Variants in AACS observed in about 807,000 individuals in gnomAD.
AACS encodes acetoacetyl-CoA synthetase.
A neutral mutation model predicts 83.1 loss-of-function variants in AACS; 69 were observed. That is an observed-to-expected ratio of 0.83 (90% CI 0.68 to 1.01). The LOEUF is 1.01. Ranked by LOEUF, AACS falls within the 50% of genes least tolerant of loss-of-function variation. AACS has a pLI of 0.00. For missense variants in AACS, 866 were observed against 882.2 expected, an observed-to-expected ratio of 0.98 and a Z score of 0.23; for synonymous variants, 333 against 343.4, an observed-to-expected ratio of 0.97 and a Z score of 0.33.
At position 125,134,819 on chromosome 12, in the gene AACS, G is replaced by T; in HGVS notation, c.1645G>T (p.Val549Leu). Residue 549 changes from valine to leucine, a missense_variant, in exon 16 of 18, where the codon GTG becomes TTG. By Grantham distance (32) the Val-to-Leu change is conservative. Transcript: ENST00000316519. ...RSDGTLNPNG[V>L]RFGSSEIYNI... Reference sequence around the variant, plus strand: ...TGACGGCACCCTCAACCCCAACGGGGTGCGGTTCGGCAGCTCGGAAATCTA... The same window carrying T: ...TGACGGCACCCTCAACCCCAACGGGTTGCGGTTCGGCAGCTCGGAAATCTA... 2 of 1,614,176 alleles carry T rather than the reference G, an allele frequency of 1.2e-6. No homozygotes were observed. The highest frequency in any genetic ancestry group is 1.7e-6 in the Non-Finnish European group (2 of 1,180,028).
intron 15 of AACS, 21 bp downstream of exon 15, chr12:125,134,093 T>G (rs1335224518): frequency 6.2e-7 from 1 of 1,611,386 alleles, no homozygotes; most frequent in Non-Finnish European, 8.5e-7. Context: ...CAGAGTCGGC[T>G]TCTCTTTCCT....
intron 5 of AACS, among the ~76,000 whole-genome samples, chr12:125,095,819 A>G (rs1194546817): frequency 6.6e-6 from 1 of 152,086 alleles, no homozygotes; most frequent in Non-Finnish European, 1.5e-5. Flanking sequence ...GTGTTTTCTG[A>G]GTGGAGCCAG....
chr12:125,125,084 A>C (rs1426044246), intron 12 of AACS, 60 bp downstream of exon 12: 1 of 1,605,434 alleles, frequency 6.2e-7, no homozygotes, highest in South Asian at 1.1e-5. Context: ...AAGTATGCAC[A>C]CCTCTGCCCA....
Position 125,073,981 on chromosome 12 carries a change from T to G in AACS, c.237+2T>G. Reference sequence around the variant, plus strand: ...GTCTTCTCACGTGTGTATGATGAGGTAAGTAGAGATTTTCCGTGGATATCA... The same window carrying G: ...GTCTTCTCACGTGTGTATGATGAGGGAAGTAGAGATTTTCCGTGGATATCA... On this transcript the variant is annotated splice_donor_variant, in intron 2 of 17. Coordinates refer to ENST00000316519, the MANE Select transcript of AACS (RefSeq NM_023928.5). LOFTEE classifies it high-confidence loss of function. 6 of 1,599,062 alleles carry G rather than the reference T, an allele frequency of 3.8e-6. No individual in the cohort carries two copies. Among genetic ancestry groups the G allele is most frequent in the Non-Finnish European group, 5.1e-6 (6 of 1,169,132 alleles).
Position 125,088,986 on chromosome 12 carries a change from G to A in AACS, c.473-2440G>A, listed in dbSNP as rs79060498. On this transcript the variant is annotated intron_variant, in intron 4 of 17. Transcript: ENST00000316519. ...TGGAGTTAAAGCTGCGCCTAGCTCC[G>A]TTTTCCTTTGTCTGTGAAGTGGTTC... 3.2e-3 allele frequency among the ~76,000 whole-genome samples: 494 copies of A among 152,276 alleles called. 3 individuals are homozygous for A. The highest frequency in any genetic ancestry group is 0.011 in the African/African-American group (463 of 41,550).
intron 12 of AACS, 64 bp downstream of exon 12, chr12:125,125,088 C>T: frequency 6.2e-7 from 1 of 1,602,464 alleles, no homozygotes; most frequent in Non-Finnish European, 8.5e-7. Flanking sequence ...ATGCACACCT[C>T]TGCCCAGTGC....
At chr12:125,117,408 C>T (rs1023696313) in intron 9 of AACS, among the ~76,000 whole-genome samples, 3 of 149,158 alleles carry the variant, frequency 2.0e-5, no homozygotes, top group African/African-American at 7.5e-5. Context: ...AGTGAGACTC[C>T]GTCTCAAAAA....
chr12:125,111,779 A>G (rs1956958005), intron 8 of AACS, among the ~76,000 whole-genome samples: 1 of 152,222 alleles, frequency 6.6e-6, no homozygotes, highest in Non-Finnish European at 1.5e-5. Context: ...GCTGAGACCC[A>G]GGAAACTGTT....
rs1054678018 is a variant in AACS, at chr12:125,094,540, C to T, written c.570+3017C>T. On this transcript the variant is annotated intron_variant, in intron 5 of 17. Coordinates refer to ENST00000316519, the MANE Select transcript of AACS (RefSeq NM_023928.5). This position sits in a 1 kb window ranked among gnomAD's most constrained non-coding sequence, Gnocchi z 4.1. ...CCCTCTCTGCTGCAGAGCCACAGAC[C>T]GCAGTGGGCTGTCCAGGGAGTGCTG... Among the ~76,000 whole-genome samples the T allele has an allele frequency of 6.6e-6, 1 of 152,102 alleles. No individual in the cohort carries two copies. The highest frequency in any genetic ancestry group is 2.4e-5 in the African/African-American group (1 of 41,418).
chr12:125,076,683 T>C (rs1956033265), intron 3 of AACS, 72 bp downstream of exon 3: 4 of 1,581,982 alleles, frequency 2.5e-6, no homozygotes, highest in South Asian at 2.3e-5. Context: ...CGGTGCCACA[T>C]ATTTGGAGAG....
At chr12:125,120,204 C>T (rs1439267740) in intron 10 of AACS, 5 of 152,190 alleles carry the variant, frequency 3.3e-5, no homozygotes, top group Non-Finnish European at 4.4e-5. Context: ...GATCCAGTCT[C>T]GTCAGCACTT....
In AACS at chr12:125,065,825, C is replaced by T; in HGVS notation, c.133+108C>T. 4 of 1,375,306 alleles carry T rather than the reference C, an allele frequency of 2.9e-6. No individual in the cohort carries two copies. In the East Asian group the frequency reaches 1.2e-4, roughly 42 times the overall value. The allele number at this position is 1,375,306 out of a possible 1,614,324, so 85.2% of individuals were successfully genotyped here. A position where few individuals can be genotyped will look rare whatever the true frequency, so the allele number is the denominator to read the frequency against. On this transcript the variant is annotated intron_variant, in intron 1 of 17. Coordinates refer to ENST00000316519, the MANE Select transcript of AACS (RefSeq NM_023928.5). ...TTCACGCTTCTGGGGCTGGAGGAGC[C>T]ACTTGATGGCGGGGAGGCCTTCTGA...
chr12:125,136,612 C>A, intron 16 of AACS, 50 bp from the exon 17 acceptor site: 1 of 1,563,800 alleles, frequency 6.4e-7, no homozygotes, highest in South Asian at 1.1e-5. Context: ...GGCCCGACCC[C>A]ACACTGAGGG....
chr12:125,091,027 C>G (rs557896088), intron 4 of AACS: 101 of 218,366 alleles, frequency 4.6e-4, no homozygotes, highest in African/African-American at 1.6e-3. Flanking sequence ...GAGTGAAGAG[C>G]TGCAGGATGA....
At chr12:125,112,363 A>T (rs1956970942) in intron 8 of AACS, among the ~76,000 whole-genome samples, 1 of 152,076 alleles carries the variant, frequency 6.6e-6, no homozygotes, top group Non-Finnish European at 1.5e-5. Context: ...GCAGTGTATT[A>T]GTCTGTTTTC....
chr12:125,079,176 T>C (rs1166437744), intron 3 of AACS, among the ~76,000 whole-genome samples: 3 of 151,686 alleles, frequency 2.0e-5, no homozygotes, highest in Admixed American at 2.0e-4. Flanking sequence ...GCTCTGTGTC[T>C]GTGGGGAACA....
chr12:125,066,367 G>A (rs757420253), intron 1 of AACS, among the ~76,000 whole-genome samples: 7 of 151,804 alleles, frequency 4.6e-5, no homozygotes, highest in Non-Finnish European at 1.0e-4. Context: ...TAACCGCTCC[G>A]GGTGCTCTTC....
intron 1 of AACS, among the ~76,000 whole-genome samples, chr12:125,069,458 C>G (rs1955800070): frequency 6.6e-6 from 1 of 152,252 alleles, no homozygotes; most frequent in African/African-American, 2.4e-5. Context: ...GCCATAACCA[C>G]AGGTTGGTTG....
At chr12:125,104,445 A>G (rs4765218) in intron 7 of AACS, among the ~76,000 whole-genome samples, 80,616 of 151,996 alleles carry the variant, frequency 0.53, 21,818 homozygotes, top group African/African-American at 0.64. Flanking sequence ...GGGAGTTGCA[A>G]TCTAGTTGGA....
Sources: allele counts gnomAD v4.1 joint callset (sites outside exome capture counted in the v4.1 genomes callset), GRCh38; gene constraint gnomAD v4.1.1; non-coding constraint Gnocchi (gnomAD v3.1); transcripts MANE v1.5; gene names NCBI Gene and HGNC (gene_info 2026-07-23, HGNC 2026-07-21).